The following ADAM12 variants were observed in gnomAD, a reference collection of about 807,000 sequenced individuals.
The protein encoded by ADAM12 is ADAM metallopeptidase domain 12, also known as disintegrin and metalloproteinase domain-containing protein 12.
In ADAM12, 70 loss-of-function variants were observed where a neutral mutation model predicts 106.4. That is an observed-to-expected ratio of 0.66 (90% CI 0.54 to 0.80). ADAM12 has a LOEUF of 0.80. ADAM12 is among the 30% of genes least tolerant of loss of function. ADAM12 has a pLI of 0.00. For missense variants in ADAM12, 1,010 were observed against 1,171.9 expected (o/e 0.86, Z 2.02); for synonymous variants, 420 against 433.5 (o/e 0.97, Z 0.39).
intron 2 of ADAM12, among the ~76,000 whole-genome samples, chr10:126,284,772 TC>T: frequency 6.6e-6 from 1 of 152,336 alleles, no homozygotes; most frequent in South Asian, 2.1e-4. Context: ...GCTTTTGTGA[TC>T]TTTTTTCTTC....
Position 126,336,300 on chromosome 10 carries a change from T to C in ADAM12, c.89-5791A>G, listed in dbSNP as rs372523394. Among the ~76,000 whole-genome samples the C allele has an allele frequency of 6.8e-4, 104 of 152,314 alleles. 1 individual carries two copies. The highest frequency in any genetic ancestry group is 4.2e-3 in the Admixed American group (65 of 15,304). On this transcript the variant is annotated intron_variant, in intron 1 of 22. Coordinates refer to ENST00000448723, the MANE Select transcript of ADAM12 (RefSeq NM_001288973.2). ...ACTAAGAATAATTTTTAAAATTTAATCTGAATTTTACAAGAATAATCATGT... is the reference window on the plus strand; with the variant it reads ...ACTAAGAATAATTTTTAAAATTTAACCTGAATTTTACAAGAATAATCATGT...
chr10:126,128,484 C>T (rs1316756532), intron 5 of ADAM12, among the ~76,000 whole-genome samples: 1 of 152,238 alleles, frequency 6.6e-6, no homozygotes, highest in African/African-American at 2.4e-5. Context: ...AAAGTATGAC[C>T]TACTGCAACT....
chr10:126,131,347 C>G (rs1956301922), intron 5 of ADAM12, among the ~76,000 whole-genome samples: 1 of 152,118 alleles, frequency 6.6e-6, no homozygotes, highest in Non-Finnish European at 1.5e-5. Flanking sequence ...ATGACCTCCA[C>G]TGAGCTTGGG....
intron 3 of ADAM12, among the ~76,000 whole-genome samples, chr10:126,200,154 G>A (rs1381218802): frequency 6.6e-6 from 1 of 152,144 alleles, no homozygotes; most frequent in Non-Finnish European, 1.5e-5. Flanking sequence ...TAATGAGGTG[G>A]AACAGGTGCA....
chr10:126,139,656 G>A (rs1001364373), intron 4 of ADAM12, among the ~76,000 whole-genome samples: 18 of 151,988 alleles, frequency 1.2e-4, no homozygotes, highest in Non-Finnish European at 2.2e-4. Context: ...TGGGGGTGGG[G>A]AGTGGCATCC....
At position 126,017,318 on chromosome 10, in the gene ADAM12, G is replaced by A; in HGVS notation, c.2682C>T (p.His894=). 1 of 1,591,084 alleles carries A rather than the reference G, an allele frequency of 6.3e-7. No homozygotes were observed. Among genetic ancestry groups the A allele is most frequent in the South Asian group, 1.1e-5 (1 of 87,314 alleles). ...APLRPAPQYP[H]QVPRSTHTAY... ...CGGTGTGGGTGGATCTGGGCACTTG[G>A]TGTGGATATTGTGGAGCAGGTCTGA... is the stretch of plus-strand genomic sequence containing the variant. The change falls in exon 23 of 23, where the codon CAC becomes CAT. Residue 894 remains histidine, a synonymous_variant. Coordinates refer to ENST00000448723, the MANE Select transcript of ADAM12 (RefSeq NM_001288973.2).
At chr10:126,378,015 T>C (rs1040243908) in intron 1 of ADAM12, among the ~76,000 whole-genome samples, 1 of 152,110 alleles carries the variant, frequency 6.6e-6, no homozygotes, top group Non-Finnish European at 1.5e-5. Context: ...TAAATAAAGA[T>C]AAATAATTCA....
At chr10:126,051,568 T>G (rs151283746) in intron 14 of ADAM12, among the ~76,000 whole-genome samples, 26 of 94,874 alleles carry the variant, frequency 2.7e-4, no homozygotes, top group Non-Finnish European at 3.9e-4. Flanking sequence ...CATCCATCCA[T>G]CCATCCATCC....
chr10:126,245,911 T>A (rs766268319), intron 3 of ADAM12, among the ~76,000 whole-genome samples: 15 of 152,008 alleles, frequency 9.9e-5, no homozygotes, highest in Non-Finnish European at 1.9e-4. Context: ...AGCCTACAGG[T>A]GTGTACGGTT....
At chr10:126,101,297 G>T in intron 8 of ADAM12, 56 bp from the exon 9 acceptor site, 1 of 1,563,294 alleles carries the variant, frequency 6.4e-7, no homozygotes, top group Non-Finnish European at 8.8e-7. Context: ...ATAAAAACTC[G>T]AAATGAAAAT....
intron 3 of ADAM12, among the ~76,000 whole-genome samples, chr10:126,203,927 TGC>T (rs199923779): frequency 5.3e-4 from 70 of 131,398 alleles, no homozygotes; most frequent in African/African-American, 8.4e-4. Flanking sequence ...TCAGAGTGAG[TGC>T]GCGCGCGCGC....
intron 1 of ADAM12, among the ~76,000 whole-genome samples, chr10:126,348,867 A>G (rs1252246403): frequency 1.3e-5 from 2 of 152,216 alleles, no homozygotes; most frequent in African/African-American, 2.4e-5. Flanking sequence ...GTCCCATGCA[A>G]TACTGAGGAT....
chr10:126,136,175 C>T (rs1447607076), intron 4 of ADAM12, among the ~76,000 whole-genome samples: 1 of 152,118 alleles, frequency 6.6e-6, no homozygotes, highest in Non-Finnish European at 1.5e-5. Context: ...GAAAGTCTAT[C>T]TCGGCAGGAA....
At position 126,317,273 on chromosome 10, in the gene ADAM12, G is replaced by A. The variant is rs563380462; in HGVS notation, c.186+13139C>T. On this transcript the variant is annotated intron_variant, in intron 2 of 22. Coordinates refer to ENST00000448723, the MANE Select transcript of ADAM12 (RefSeq NM_001288973.2). Reference sequence around the variant, plus strand: ...CCAAGCTAATGGCTCCCATGGAAACGGGAAATCTTAATAGAGACCCAATCC... The same window carrying A: ...CCAAGCTAATGGCTCCCATGGAAACAGGAAATCTTAATAGAGACCCAATCC... 6.6e-4 allele frequency among the ~76,000 whole-genome samples: 100 copies of A among 152,250 alleles called. 1 individual carries two copies. Among genetic ancestry groups the A allele is most frequent in the African/African-American group, 2.2e-3 (91 of 41,534 alleles).
At chr10:126,127,253 G>C (rs1178743289) in intron 5 of ADAM12, among the ~76,000 whole-genome samples, 3 of 152,234 alleles carry the variant, frequency 2.0e-5, no homozygotes, top group Non-Finnish European at 4.4e-5. Context: ...AGGAGAGCCA[G>C]GTGGGCTAGT....
intron 2 of ADAM12, among the ~76,000 whole-genome samples, chr10:126,300,239 A>G (rs960917575): frequency 6.6e-6 from 1 of 152,128 alleles, no homozygotes; most frequent in Non-Finnish European, 1.5e-5. Context: ...CTAAAGCTCT[A>G]ATGTGGCCCA....
chr10:126,150,827 C>CA (rs1361048366), intron 4 of ADAM12, among the ~76,000 whole-genome samples: 1 of 152,182 alleles, frequency 6.6e-6, no homozygotes, highest in African/African-American at 2.4e-5. Flanking sequence ...TCCCAAATTT[C>CA]AATAGGTAAA....
Position 126,229,805 on chromosome 10 carries a change from C to T in ADAM12, c.260+49110G>A, listed in dbSNP as rs554191241. Among the ~76,000 whole-genome samples the T allele has an allele frequency of 3.9e-5, 6 of 152,214 alleles. No homozygotes were observed. In the South Asian group the frequency reaches 1.2e-3, roughly 32 times the overall value. ...CTGCTGTTCAGATGGAGCTCTGCCC[C>T]GTATTCCAGTAAATGCTCGAAGGCA... is the stretch of plus-strand genomic sequence containing the variant. On this transcript the variant is annotated intron_variant, in intron 3 of 22. Transcript: ENST00000448723.
At chr10:126,140,982 C>A (rs944814219) in intron 4 of ADAM12, among the ~76,000 whole-genome samples, 1 of 152,206 alleles carries the variant, frequency 6.6e-6, no homozygotes, top group African/African-American at 2.4e-5. Flanking sequence ...CCAGTCAAGA[C>A]AATCTCCAGG....
Sources: allele counts gnomAD v4.1 joint callset (sites outside exome capture counted in the v4.1 genomes callset), GRCh38; gene constraint gnomAD v4.1.1; transcripts MANE v1.5; gene names NCBI Gene and HGNC (gene_info 2026-07-23, HGNC 2026-07-21).